PRELID2: variants seen among roughly 807,000 people sequenced by gnomAD.
The protein encoded by PRELID2 is PRELI domain containing 2.
A neutral mutation model predicts 28.4 loss-of-function variants in PRELID2; 25 were observed. That is an observed-to-expected ratio of 0.88 (90% confidence interval 0.64 to 1.23). PRELID2 has a LOEUF of 1.23. Ranked by LOEUF, PRELID2 falls within the 50% of genes most tolerant of loss-of-function variation. The pLI is 0.00. For synonymous variants in PRELID2, 76 were observed against 71.6 expected (o/e 1.06, Z -0.31); for missense variants, 201 against 214.4 (o/e 0.94, Z 0.39).
rs1463818288 is a variant in PRELID2, at chr5:145,788,716, A to G, written c.474+7726T>C. 3.9e-5 allele frequency among the ~76,000 whole-genome samples: 6 copies of G among 152,136 alleles called. No homozygotes were observed. The East Asian group carries it at 1.2e-3, about 29-fold the overall frequency. ...GCACCCATGTAGAAAAGAAAGAAGT[A>G]AAATCATCTATGTTTGCTGGCAACA... On this transcript the variant is annotated intron_variant, in intron 5 of 6. Transcript: ENST00000683046.
chr5:145,795,032 C>T (rs189816774), intron 5 of PRELID2: 10 of 151,980 alleles, frequency 6.6e-5, no homozygotes, highest in South Asian at 6.2e-4. Flanking sequence ...GTTATCCCTC[C>T]CCCTCAAAAA....
At chr5:145,419,711 C>T in the PRELID2 span, among the ~76,000 whole-genome samples, 114 of 152,238 alleles carry the variant, frequency 7.5e-4, no homozygotes, top group Non-Finnish European at 4.4e-5. Context: ...GTTTGTTTTG[C>T]TGTGCAGAAG....
At chr5:145,431,686 T>C in the PRELID2 span, among the ~76,000 whole-genome samples, 1 of 152,194 alleles carries the variant, frequency 6.6e-6, no homozygotes, top group Non-Finnish European at 1.5e-5. Context: ...AGAAACGTTC[T>C]ACAAAATAAC....
intron 4 of PRELID2, among the ~76,000 whole-genome samples, chr5:145,802,055 T>A (rs938355589): frequency 6.6e-6 from 1 of 152,204 alleles, no homozygotes; most frequent in Non-Finnish European, 1.5e-5. Context: ...CACTGCCTAT[T>A]AAGGCAGGGT....
chr5:145,463,484 T>C, the PRELID2 span, among the ~76,000 whole-genome samples: 1 of 152,124 alleles, frequency 6.6e-6, no homozygotes, highest in Non-Finnish European at 1.5e-5. Flanking sequence ...TTTTGCATAG[T>C]TTTCAGTTTA....
At chr5:145,740,294 A>ATATATT (rs1756627466) in intron 1 of PRELID2, among the ~76,000 whole-genome samples, 2 of 95,134 alleles carry the variant, frequency 2.1e-5, no homozygotes, top group African/African-American at 8.6e-5. Context: ...ATATATATAT[A>ATATATT]TATATATATA....
chr5:145,787,959 G>T (rs1275071222), intron 5 of PRELID2, among the ~76,000 whole-genome samples: 1 of 152,128 alleles, frequency 6.6e-6, no homozygotes, highest in Admixed American at 6.5e-5. Context: ...GTCTAAAAAG[G>T]CTCCTGAAGG....
chr5:145,718,272 C>T (rs946334975), intron 1 of PRELID2, among the ~76,000 whole-genome samples: 13 of 151,696 alleles, frequency 8.6e-5, no homozygotes, highest in African/African-American at 3.1e-4. Flanking sequence ...TAGTATTCCT[C>T]AACACCAGCA....
chr5:145,630,639 G>A (rs1487304327), intron 1 of PRELID2, among the ~76,000 whole-genome samples: 1 of 152,154 alleles, frequency 6.6e-6, no homozygotes, highest in Non-Finnish European at 1.5e-5. Context: ...CTTTTAGGAT[G>A]CAAGACCTTC....
the PRELID2 span, among the ~76,000 whole-genome samples, chr5:145,372,490 C>T: frequency 1.3e-4 from 20 of 151,928 alleles, no homozygotes; most frequent in African/African-American, 4.6e-4. Context: ...TAAGTCTCTT[C>T]GTAGGTCTCT....
At chr5:145,232,988 T>TAC in the PRELID2 span, among the ~76,000 whole-genome samples, 5 of 135,424 alleles carry the variant, frequency 3.7e-5, no homozygotes, top group African/African-American at 9.8e-5. Flanking sequence ...TATATACGTG[T>TAC]GTGTGTGTGG....
chr5:145,713,436 A>C (rs1755754681), intron 1 of PRELID2, among the ~76,000 whole-genome samples: 1 of 144,262 alleles, frequency 6.9e-6, no homozygotes, highest in Non-Finnish European at 1.5e-5. Context: ...CTGACTTTAT[A>C]TATATACATA....
chr5:145,451,889 G>A, the PRELID2 span, among the ~76,000 whole-genome samples: 3 of 152,270 alleles, frequency 2.0e-5, no homozygotes, highest in East Asian at 5.8e-4. Flanking sequence ...GGGTAGGTAA[G>A]GGGCCGGGAG....
the PRELID2 span, among the ~76,000 whole-genome samples, chr5:145,385,742 G>A: frequency 6.6e-6 from 1 of 152,080 alleles, no homozygotes; most frequent in Admixed American, 6.6e-5. Flanking sequence ...ATGTTCTTTA[G>A]AAGTGGACTT....
intron 5 of PRELID2, among the ~76,000 whole-genome samples, chr5:145,787,271 C>T (rs1208762208): frequency 1.3e-5 from 2 of 152,168 alleles, no homozygotes; most frequent in Non-Finnish European, 2.9e-5. Context: ...GCTTGCATAA[C>T]AAGACTGTTA....
At chr5:145,647,090 C>G (rs901632604) in intron 1 of PRELID2, among the ~76,000 whole-genome samples, 2 of 152,190 alleles carry the variant, frequency 1.3e-5, no homozygotes, top group African/African-American at 4.8e-5. Context: ...CAGGCTGGGA[C>G]GTTTGGGTCT....
At chr5:145,692,041 C>T (rs945628247) in intron 1 of PRELID2, among the ~76,000 whole-genome samples, 16 of 152,154 alleles carry the variant, frequency 1.1e-4, no homozygotes, top group Admixed American at 2.6e-4. Context: ...CTTGAATCCC[C>T]TCCCTCCCTG....
At chr5:145,720,796 G>A (rs933719213) in intron 1 of PRELID2, among the ~76,000 whole-genome samples, 1 of 151,928 alleles carries the variant, frequency 6.6e-6, no homozygotes, top group African/African-American at 2.4e-5. Context: ...AAAAAAAAGT[G>A]AAAGAAAAGG....
intron 1 of PRELID2, among the ~76,000 whole-genome samples, chr5:145,727,112 G>A (rs1420868905): frequency 6.6e-6 from 1 of 152,196 alleles, no homozygotes; most frequent in Non-Finnish European, 1.5e-5. Context: ...GAGAATGTGG[G>A]GTTGAAAGGG....
Sources: gnomAD v4.1 joint callset for allele counts (sites outside exome capture counted in the v4.1 genomes callset) on GRCh38, gnomAD v4.1.1 for gene constraint, MANE v1.5 for transcripts, NCBI Gene and HGNC (gene_info 2026-07-23, HGNC 2026-07-21) for gene names.